NCALD: variants seen among roughly 807,000 people sequenced by gnomAD.
The protein encoded by NCALD is neurocalcin-delta.
In NCALD, 10 loss-of-function variants were observed where a neutral mutation model predicts 18.6. That is an observed-to-expected ratio of 0.54 (90% CI 0.33 to 0.91). NCALD has a LOEUF of 0.91. NCALD is among the 40% of genes least tolerant of loss of function. The probability of loss-of-function intolerance (pLI) is 0.03; values close to 1 mark genes in which losing one functional copy is unlikely to be tolerated. For missense variants in NCALD, 184 were observed against 247.6 expected, an observed-to-expected ratio of 0.74 and a Z score of 1.72; for synonymous variants, 88 against 87.4, an observed-to-expected ratio of 1.01 and a Z score of -0.04.
intron 4 of NCALD, among the ~76,000 whole-genome samples, chr8:101,835,697 G>A (rs574050203): frequency 1.3e-5 from 2 of 152,126 alleles, no homozygotes; most frequent in African/African-American, 2.4e-5. Flanking sequence ...GGTATACCTA[G>A]CTGTGTGTGT....
intron 1 of NCALD, among the ~76,000 whole-genome samples, chr8:101,760,439 G>A (rs1353314741): frequency 6.6e-6 from 1 of 152,182 alleles, no homozygotes; most frequent in African/African-American, 2.4e-5. Context: ...GATGACAACA[G>A]GAGGGGGAAG....
At chr8:101,815,930 C>A (rs1419395580) in intron 4 of NCALD, among the ~76,000 whole-genome samples, 1 of 152,024 alleles carries the variant, frequency 6.6e-6, no homozygotes, top group African/African-American at 2.4e-5. Flanking sequence ...AACTGTGGTA[C>A]ATCCAGACAA....
At chr8:101,933,439 C>G (rs931366201) in intron 2 of NCALD, among the ~76,000 whole-genome samples, 1 of 152,150 alleles carries the variant, frequency 6.6e-6, no homozygotes, top group African/African-American at 2.4e-5. Flanking sequence ...CCTTGAGAGC[C>G]TCCAGAAGAA....
chr8:101,707,774 A>G (rs1815597689), intron 2 of NCALD, among the ~76,000 whole-genome samples: 1 of 152,178 alleles, frequency 6.6e-6, no homozygotes, highest in Non-Finnish European at 1.5e-5. Flanking sequence ...AGGCTGAGGC[A>G]GGAGAATCTC....
chr8:101,785,698 C>T (rs1258311984), intron 1 of NCALD, among the ~76,000 whole-genome samples: 1 of 152,130 alleles, frequency 6.6e-6, no homozygotes, highest in Non-Finnish European at 1.5e-5. Flanking sequence ...TTAAAGACTC[C>T]TTTCATAAAA....
chr8:101,846,482 T>C (rs1040756708), intron 4 of NCALD, among the ~76,000 whole-genome samples: 19 of 152,198 alleles, frequency 1.2e-4, no homozygotes, highest in Admixed American at 6.5e-5. Flanking sequence ...TGGTTCTACT[T>C]CCATGCCAGT....
chr8:101,741,210 T>C (rs1274120568), intron 1 of NCALD, among the ~76,000 whole-genome samples: 1 of 152,240 alleles, frequency 6.6e-6, no homozygotes, highest in African/African-American at 2.4e-5. Context: ...AAAATACACA[T>C]GCTGCTGAAT....
At chr8:101,871,898 C>T in intron 4 of NCALD, 1 of 682,452 alleles carries the variant, frequency 1.5e-6, no homozygotes, top group South Asian at 1.6e-5. Context: ...AGCAATACAC[C>T]TTCAATCGGC....
At chr8:101,966,504 G>T in intron 2 of NCALD, among the ~76,000 whole-genome samples, 1 of 116,596 alleles carries the variant, frequency 8.6e-6, no homozygotes, top group South Asian at 3.4e-4. Context: ...AGGGGGGAGG[G>T]ATAGCATTAG....
At chr8:102,084,026 A>AT (rs1225940968) in intron 1 of NCALD, among the ~76,000 whole-genome samples, 2 of 152,250 alleles carry the variant, frequency 1.3e-5, no homozygotes, top group African/African-American at 4.8e-5. Context: ...GATTAAATGA[A>AT]TAATTATGTG....
intron 2 of NCALD, among the ~76,000 whole-genome samples, chr8:102,003,095 G>A (rs1409045864): frequency 4.6e-5 from 7 of 152,084 alleles, no homozygotes. Flanking sequence ...CCAGGAGCTG[G>A]TTTCTTGAAA....
chr8:102,048,348 T>C (rs1823320140), intron 1 of NCALD, among the ~76,000 whole-genome samples: 1 of 152,208 alleles, frequency 6.6e-6, no homozygotes, highest in Non-Finnish European at 1.5e-5. Context: ...CACCTTTTGA[T>C]AGCATATTAG....
At chr8:101,801,116 CAAAG>C (rs1182204244) in intron 4 of NCALD, among the ~76,000 whole-genome samples, 17 of 151,606 alleles carry the variant, frequency 1.1e-4, no homozygotes, top group Non-Finnish European at 8.8e-5. Context: ...GAGAAAGAAA[CAAAG>C]AAAGAAAGAG....
chr8:101,716,888 T>C (rs1426417059), intron 2 of NCALD, among the ~76,000 whole-genome samples: 1 of 152,196 alleles, frequency 6.6e-6, no homozygotes, highest in Non-Finnish European at 1.5e-5. Flanking sequence ...GTTGCTGCCT[T>C]TGAAGATGGA....
Position 101,804,634 on chromosome 8 carries a change from TTAAC to T in NCALD, c.-20+82503_-20+82506del, listed in dbSNP as rs1813024889. 2.9e-5 allele frequency among the ~76,000 whole-genome samples: 4 copies of T among 136,146 alleles called. No individual in the cohort carries two copies. In the South Asian group the frequency reaches 8.7e-4, roughly 30 times the overall value. The allele number at this position is 136,146 out of a possible 152,430, so 89.3% of individuals were successfully genotyped here. On this transcript the variant is annotated intron_variant, in intron 4 of 6. Transcript: ENST00000311028. ...ATTATATAATATATAATTAATATAA[TTAAC>T]TATTATATATTAGTATAATATAATT...
chr8:101,864,762 T>C (rs1000648574), intron 4 of NCALD, among the ~76,000 whole-genome samples: 3 of 151,850 alleles, frequency 2.0e-5, no homozygotes, highest in Non-Finnish European at 4.4e-5. Context: ...GCCCAGCTAG[T>C]TTTTGGTATT....
At position 101,930,137 on chromosome 8, in the gene NCALD, A is replaced by C. The variant is rs186077103; in HGVS notation, c.-156-14279T>G. 1.2e-4 allele frequency among the ~76,000 whole-genome samples: 18 copies of C among 152,334 alleles called. No individual in the cohort carries two copies. In the East Asian group the frequency reaches 3.3e-3, roughly 28 times the overall value. ...GAGTATTTTTTAAAATGAGAAAATT[A>C]CAAAAATTATAAATTTTAAAAACTA... On this transcript the variant is annotated intron_variant, in intron 2 of 6. Coordinates refer to the NCALD transcript ENST00000311028.
At chr8:101,965,503 C>T (rs1319917235) in intron 2 of NCALD, among the ~76,000 whole-genome samples, 1 of 152,136 alleles carries the variant, frequency 6.6e-6, no homozygotes, top group Non-Finnish European at 1.5e-5. Flanking sequence ...TCTCAGCAAA[C>T]TAACCCAAGG....
intron 1 of NCALD, among the ~76,000 whole-genome samples, chr8:101,777,216 C>T (rs1379726709): frequency 1.3e-5 from 2 of 152,176 alleles, no homozygotes; most frequent in Non-Finnish European, 2.9e-5. Flanking sequence ...TTCATTCAGT[C>T]CCTGAGTTAT....
Sources: allele counts gnomAD v4.1 joint callset (sites outside exome capture counted in the v4.1 genomes callset), GRCh38; gene constraint gnomAD v4.1.1; transcripts MANE v1.5; gene names NCBI Gene and HGNC (gene_info 2026-07-23, HGNC 2026-07-21).